CTBS: variants seen among roughly 807,000 people sequenced by gnomAD.
CTBS encodes chitobiase, also known as di-N-acetylchitobiase.
A neutral mutation model predicts 44.3 loss-of-function variants in CTBS; 35 were observed. That is an observed-to-expected ratio of 0.79 (90% CI 0.60 to 1.05). The LOEUF is 1.05. CTBS is among the 50% of genes least tolerant of loss of function. The pLI, the probability that CTBS is intolerant of heterozygous loss-of-function variation, is 0.00. For synonymous variants in CTBS, 143 were observed against 168.0 expected (o/e 0.85, Z 1.15); for missense variants, 458 against 475.3 (o/e 0.96, Z 0.34).
intron 3 of CTBS, among the ~76,000 whole-genome samples, chr1:84,566,681 G>GTC (rs1209647061): frequency 6.6e-6 from 1 of 152,196 alleles, no homozygotes; most frequent in Non-Finnish European, 1.5e-5. Context: ...CACCCAGGGT[G>GTC]GAGTGCAGTG....
intron 4 of CTBS, among the ~76,000 whole-genome samples, chr1:84,564,573 C>A (rs551561796): frequency 1.2e-3 from 187 of 152,242 alleles, no homozygotes; most frequent in African/African-American, 4.4e-3. Flanking sequence ...CAAAGTATCC[C>A]TATGTTGCTC....
rs1684328426 is a variant in CTBS, at chr1:84,553,136, TAA to T, written c.*1861_*1862del. Reference sequence around the variant, plus strand: ...ACAATCTCAATTAGGTATGTTAATTTAAAACTTTTATTTGTAAAAAAATTTAA... The same window carrying T: ...ACAATCTCAATTAGGTATGTTAATTTAACTTTTATTTGTAAAAAAATTTAA... On this transcript the variant is annotated 3_prime_UTR_variant, in exon 7 of 7. Transcript: ENST00000370630. 7.2e-7 allele frequency: 1 copy of T among 1,393,304 alleles called. No homozygotes were observed. Among genetic ancestry groups the T allele is most frequent in the Admixed American group, 2.9e-5 (1 of 34,230 alleles). The allele number at this position is 1,393,304 out of a possible 1,614,324, so 86.3% of individuals were successfully genotyped here. A position where few individuals can be genotyped will look rare whatever the true frequency, so the allele number is the denominator to read the frequency against.
chr1:84,560,753 TCC>T (rs1350946460), intron 6 of CTBS, among the ~76,000 whole-genome samples: 1 of 152,136 alleles, frequency 6.6e-6, no homozygotes, highest in Non-Finnish European at 1.5e-5. Context: ...ATTCCAAAAA[TCC>T]TATGGCACTT....
chr1:84,562,837 G>T (rs1377931476), intron 6 of CTBS, among the ~76,000 whole-genome samples: 1 of 152,102 alleles, frequency 6.6e-6, no homozygotes, highest in Non-Finnish European at 1.5e-5. Context: ...CACCTCTTCT[G>T]TTCTCAGCCT....
chr1:84,555,715 T>C (rs1216175784), intron 6 of CTBS, among the ~76,000 whole-genome samples: 1 of 152,236 alleles, frequency 6.6e-6, no homozygotes, highest in African/African-American at 2.4e-5. Context: ...TGCGGAGCTT[T>C]TAAAATACAG....
Position 84,552,895 on chromosome 1 carries a change from C to T in CTBS, c.*2104G>A, listed in dbSNP as rs897509513. 16 of 602,702 alleles carry T rather than the reference C, an allele frequency of 2.7e-5. No individual in the cohort carries two copies. Among genetic ancestry groups the T allele is most frequent in the African/African-American group, 1.9e-4 (10 of 52,446 alleles). 37.3% of individuals were successfully genotyped at this position (602,702 alleles called of 1,614,324 possible). ...TAATCTACACATTTACTGTAGTAAT[C>T]CAGTGGGAGTTGAAAGCACTGAAGC... On this transcript the variant is annotated 3_prime_UTR_variant, in exon 7 of 7. Transcript: ENST00000370630.
chr1:84,571,563 T>TG (rs1647301947), intron 1 of CTBS, among the ~76,000 whole-genome samples: 1 of 152,242 alleles, frequency 6.6e-6, no homozygotes, highest in Non-Finnish European at 1.5e-5. Flanking sequence ...GAAGCCTCAC[T>TG]GATTATTTTT....
At position 84,553,032 on chromosome 1, in the gene CTBS, T is replaced by A; in HGVS notation, c.*1967A>T. 1 of 1,509,344 alleles carries A rather than the reference T, an allele frequency of 6.6e-7. No individual in the cohort carries two copies. Among genetic ancestry groups the A allele is most frequent in the Non-Finnish European group, 8.9e-7 (1 of 1,126,512 alleles). The allele number at this position is 1,509,344 out of a possible 1,614,324, so 93.5% of individuals were successfully genotyped here. ...CATTTTTGAAAAGTAATTCTTTTTATAGATGAGAAAACAAGCAGTTTCAGA... is the reference window on the plus strand; with the variant it reads ...CATTTTTGAAAAGTAATTCTTTTTAAAGATGAGAAAACAAGCAGTTTCAGA... On this transcript the variant is annotated 3_prime_UTR_variant, in exon 7 of 7. Transcript: ENST00000370630.
chr1:84,563,917 GT>G, intron 4 of CTBS, 85 bp from the exon 5 acceptor site: 1 of 1,403,000 alleles, frequency 7.1e-7, no homozygotes, highest in Non-Finnish European at 9.3e-7. Context: ...TTCAGAATCT[GT>G]TTGTAAAAAC....
intron 3 of CTBS, among the ~76,000 whole-genome samples, chr1:84,566,649 G>C (rs913431332): frequency 2.0e-5 from 3 of 151,948 alleles, no homozygotes; most frequent in Non-Finnish European, 4.4e-5. Flanking sequence ...TCTTTTTTGG[G>C]GGGGATGGAG....
intron 3 of CTBS, among the ~76,000 whole-genome samples, chr1:84,567,907 C>T (rs1274240659): frequency 1.3e-5 from 2 of 152,154 alleles, no homozygotes; most frequent in African/African-American, 2.4e-5. Flanking sequence ...TCCCTTGATA[C>T]TGTATTGTTC....
chr1:84,562,200 T>G (rs1201246349), intron 6 of CTBS, among the ~76,000 whole-genome samples: 1 of 152,228 alleles, frequency 6.6e-6, no homozygotes, highest in African/African-American at 2.4e-5. Flanking sequence ...TATATAGTGT[T>G]TTTCTAAATA....
intron 6 of CTBS, among the ~76,000 whole-genome samples, chr1:84,556,346 C>T (rs377081261): frequency 7.9e-5 from 12 of 152,106 alleles, no homozygotes; most frequent in South Asian, 4.1e-4. Flanking sequence ...TAGGAAACTC[C>T]TTAAAGGCAT....
chr1:84,557,501 C>T (rs1001066500), intron 6 of CTBS, among the ~76,000 whole-genome samples: 4 of 137,798 alleles, frequency 2.9e-5, no homozygotes, highest in African/African-American at 1.1e-4. Flanking sequence ...CCACTGCACT[C>T]CAGCCTGGGC....
chr1:84,557,857 CAA>C (rs375521066), intron 6 of CTBS, among the ~76,000 whole-genome samples: 14 of 117,786 alleles, frequency 1.2e-4, no homozygotes, highest in Non-Finnish European at 1.2e-4. Flanking sequence ...GACTCCATCT[CAA>C]AAAAAAAAAA....
At chr1:84,564,711 T>A (rs531404610) in intron 4 of CTBS, among the ~76,000 whole-genome samples, 63 of 152,186 alleles carry the variant, frequency 4.1e-4, no homozygotes, top group Non-Finnish European at 8.7e-4. Flanking sequence ...CAATTAATAA[T>A]TACTTCGTAA....
At chr1:84,558,456 ATT>A (rs1435158892) in intron 6 of CTBS, among the ~76,000 whole-genome samples, 1 of 150,398 alleles carries the variant, frequency 6.6e-6, no homozygotes, top group African/African-American at 2.4e-5. Context: ...CGCCCGGCTA[ATT>A]TTTTTTGTAT....
rs1286038795 is a variant in CTBS at position 84,552,080 on chromosome 1, T to A, written c.*2919A>T. 6.6e-6 allele frequency: 1 copy of A among 152,136 alleles called. No individual in the cohort carries two copies. The highest frequency in any genetic ancestry group is 2.4e-5 in the African/African-American group (1 of 41,446). The allele number at this position is 152,136 out of a possible 1,614,324, so 9.4% of individuals were successfully genotyped here. A position where few individuals can be genotyped will look rare whatever the true frequency, so the allele number is the denominator to read the frequency against. On this transcript the variant is annotated 3_prime_UTR_variant, in exon 7 of 7. Transcript: ENST00000370630. The stretch of plus-strand genomic sequence containing the variant: ...TAGGCTGGGGGGAAAAAATCCTGTA[T>A]TTAACCATAGTGCCTGATTGACACA...
intron 1 of CTBS, among the ~76,000 whole-genome samples, chr1:84,571,357 C>T (rs541054642): frequency 2.6e-5 from 4 of 152,262 alleles, no homozygotes; most frequent in African/African-American, 9.6e-5. Context: ...TGTGACTAAT[C>T]GAATGAGTAA....
Sources: allele counts gnomAD v4.1 joint callset (sites outside exome capture counted in the v4.1 genomes callset), GRCh38; gene constraint gnomAD v4.1.1; transcripts MANE v1.5; gene names NCBI Gene and HGNC (gene_info 2026-07-23, HGNC 2026-07-21).